Variants in HSPA4L observed in about 807,000 individuals in gnomAD.
HSPA4L encodes heat shock 70 kDa protein 4L.
HSPA4L carries 48 observed loss-of-function variants against 100.3 expected under a neutral mutation model. The ratio of observed to expected loss-of-function variants is 0.48; its 90% CI spans 0.38 to 0.61. The LOEUF is 0.61. Among genes scored for constraint, HSPA4L ranks in the 20% least tolerant of loss-of-function variants. HSPA4L has a pLI of 0.00. For synonymous variants in HSPA4L, 319 were observed against 328.2 expected (o/e 0.97, Z 0.30); for missense variants, 886 against 988.6 (o/e 0.90, Z 1.39).
intron 3 of HSPA4L, among the ~76,000 whole-genome samples, chr4:127,798,185 C>T (rs190506234): frequency 2.8e-4 from 42 of 152,234 alleles, no homozygotes; most frequent in African/African-American, 8.4e-4. Flanking sequence ...TTTTCCAAAA[C>T]TGTATGACTG....
chr4:127,808,997 T>C lies in HSPA4L; in HGVS notation c.1378+868T>C, dbSNP rs76231817. On this transcript the variant is annotated intron_variant, in intron 11 of 18. Transcript: ENST00000296464. The stretch of plus-strand genomic sequence containing the variant: ...TTTTTTACTGAAAAACTTTAATTGG[T>C]ATATTCTAATTTTAAACTTAATGTT... Among the ~76,000 whole-genome samples, 1,103 of 142,238 alleles carry C rather than the reference T, an allele frequency of 7.8e-3. 11 individuals are homozygous for C. Among genetic ancestry groups the C allele is most frequent in the African/African-American group, 0.027 (1,051 of 38,786 alleles). The allele number at this position is 142,238 out of a possible 152,430, so 93.3% of individuals were successfully genotyped here.
intron 1 of HSPA4L, among the ~76,000 whole-genome samples, chr4:127,793,768 C>T (rs532446861): frequency 1.3e-5 from 2 of 152,090 alleles, no homozygotes; most frequent in South Asian, 4.1e-4. Flanking sequence ...CCCTGAAAAT[C>T]CATTGGTCAA....
At chr4:127,790,506 A>T (rs1732845366) in intron 1 of HSPA4L, among the ~76,000 whole-genome samples, 1 of 152,358 alleles carries the variant, frequency 6.6e-6, no homozygotes, top group Non-Finnish European at 1.5e-5. Context: ...TAAGCCACTG[A>T]TTCCTGCTAT....
intron 13 of HSPA4L, among the ~76,000 whole-genome samples, chr4:127,819,214 T>C (rs553359734): frequency 9.2e-5 from 14 of 152,300 alleles, no homozygotes; most frequent in South Asian, 2.1e-4. Flanking sequence ...GATAAATGAT[T>C]TATTGAGAGT....
At chr4:127,812,257 A>G (rs1028617551) in intron 12 of HSPA4L, among the ~76,000 whole-genome samples, 8 of 151,990 alleles carry the variant, frequency 5.3e-5, no homozygotes, top group Non-Finnish European at 8.8e-5. Flanking sequence ...AAAATACAAA[A>G]AATTAGCCGG....
At chr4:127,782,304 T>C, upstream of HSPA4L, 1 of 492,298 alleles carries the variant, frequency 2.0e-6, no homozygotes, top group Non-Finnish European at 3.6e-6. Flanking sequence ...AACCGCCGGT[T>C]GGAGGCGGCC....
At position 127,803,821 on chromosome 4, in the gene HSPA4L, T is replaced by A; in HGVS notation, c.856T>A (p.Leu286Met). ...LMSANASDLP[L>M]NIECFMNDLD... Reference sequence around the variant, plus strand: ...GAGTGCAAATGCATCAGATCTTCCATTGAACATTGAGTGTTTCATGAATGA... The same window carrying A: ...GAGTGCAAATGCATCAGATCTTCCAATGAACATTGAGTGTTTCATGAATGA... The change falls in exon 7 of 19, where the codon TTG becomes ATG. Residue 286 changes from leucine (L) to methionine (M), a missense_variant. Transcript: ENST00000296464. 1.2e-6 allele frequency: 2 copies of A among 1,613,932 alleles called. No homozygotes were observed. The highest frequency in any genetic ancestry group is 1.7e-6 in the Non-Finnish European group (2 of 1,179,896).
chr4:127,827,817 C>T (rs1733985485), intron 17 of HSPA4L, among the ~76,000 whole-genome samples: 1 of 151,920 alleles, frequency 6.6e-6, no homozygotes, highest in Non-Finnish European at 1.5e-5. Context: ...TGTTTCTTGG[C>T]TTATTTTTCT....
chr4:127,825,017 G>A (rs999816172), intron 16 of HSPA4L, among the ~76,000 whole-genome samples: 1 of 151,960 alleles, frequency 6.6e-6, no homozygotes, highest in African/African-American at 2.4e-5. Context: ...GCGGGCACCT[G>A]TAGTCCCAGC....
chr4:127,811,529 A>G lies in HSPA4L; in HGVS notation c.1471A>G (p.Ser491Gly), dbSNP rs2148791263. Residue 491 changes from serine (S) to glycine (G), a missense_variant, in exon 12 of 19, where the codon AGT (serine) becomes GGT (glycine). By Grantham distance (56) the Ser-to-Gly change is moderately conservative (BLOSUM62 0). Transcript: ENST00000296464. ...TCGTGTTAACATCCATGGAATCTTCAGTGTGGCTAGCGCATCAGTAATTGA... is the reference window on the plus strand; with the variant it reads ...TCGTGTTAACATCCATGGAATCTTCGGTGTGGCTAGCGCATCAGTAATTGA... ...KVRVNIHGIF[S>G]VASASVIEKQ... The G allele has an allele frequency of 6.2e-7, 1 of 1,614,014 alleles. No individual in the cohort carries two copies. The highest frequency in any genetic ancestry group is 8.5e-7 in the Non-Finnish European group (1 of 1,179,926).
chr4:127,818,337 G>A lies in HSPA4L; in HGVS notation c.1591G>A (p.Val531Ile), dbSNP rs751498883. 1 of 1,609,006 alleles carries A rather than the reference G, an allele frequency of 6.2e-7. No homozygotes were observed. Among genetic ancestry groups the A allele is most frequent in the East Asian group, 2.2e-5 (1 of 44,750 alleles). Reference protein sequence around the residue: ...ENKDNMDKMQVDQEEGHQKCH... With the variant: ...ENKDNMDKMQIDQEEGHQKCH... ...ATTTTCTTTCTAGGATAAAATGCAG[G>A]TTGATCAAGAAGAAGGGCATCAAAA... is the stretch of plus-strand genomic sequence containing the variant. Residue 531 changes from valine to isoleucine, a missense_variant, in exon 13 of 19, where the codon GTT becomes ATT. Val to Ile is a conservative substitution (Grantham distance 29). Coordinates refer to ENST00000296464, the MANE Select transcript of HSPA4L (RefSeq NM_014278.4).
intron 1 of HSPA4L, among the ~76,000 whole-genome samples, chr4:127,790,360 A>G (rs1451914133): frequency 2.6e-5 from 4 of 152,358 alleles, no homozygotes; most frequent in African/African-American, 9.6e-5. Context: ...TGGCAAACGC[A>G]TATTTTCTCT....
chr4:127,801,769 C>A lies in HSPA4L; in HGVS notation c.530-16C>A. ...TTACTGTGCTAGAATTAACATAATT[C>A]TTTGTTCTTATACAGTTGCACTGGC... On this transcript the variant is annotated splice_polypyrimidine_tract_variant and intron_variant, in intron 5 of 18. Coordinates refer to ENST00000296464, the MANE Select transcript of HSPA4L (RefSeq NM_014278.4). 1 of 1,577,508 alleles carries A rather than the reference C, an allele frequency of 6.3e-7. No individual in the cohort carries two copies. Among genetic ancestry groups the A allele is most frequent in the Non-Finnish European group, 8.6e-7 (1 of 1,164,652 alleles).
chr4:127,800,525 A>T (rs1343335929), intron 4 of HSPA4L, among the ~76,000 whole-genome samples: 1 of 152,038 alleles, frequency 6.6e-6, no homozygotes, highest in East Asian at 1.9e-4. Context: ...ATGTATGTAT[A>T]TTTTTTCAAT....
At chr4:127,782,237 C>T (rs1732573634), upstream of HSPA4L, 4 of 399,420 alleles carry the variant, frequency 1.0e-5, 1 homozygote, top group Admixed American at 3.7e-5. Context: ...GGCTCGGGCG[C>T]GGAGCGGAGG....
At chr4:127,797,386 G>A (rs887227888) in intron 3 of HSPA4L, among the ~76,000 whole-genome samples, 7 of 152,022 alleles carry the variant, frequency 4.6e-5, no homozygotes, top group Admixed American at 4.6e-4. Context: ...AGAATAGGCT[G>A]AGAAAAACAG....
Position 127,805,128 on chromosome 4 carries a change from T to C in HSPA4L, c.1041T>C (p.Ile347=). 1.9e-6 allele frequency: 3 copies of C among 1,612,244 alleles called. No individual in the cohort carries two copies. Among genetic ancestry groups the C allele is most frequent in the Non-Finnish European group, 2.5e-6 (3 of 1,178,784 alleles). The change falls in exon 9 of 19, where the codon ATT becomes ATC. Residue 347 remains isoleucine (I), a synonymous_variant. Coordinates refer to ENST00000296464, the MANE Select transcript of HSPA4L (RefSeq NM_014278.4). The part of the protein sequence containing the change: ...SIEIVGGATR[I]PAVKEQITKF... ...AAATTGTAGGAGGAGCAACACGAAT[T>C]CCTGCAGTGAAAGAACAAATCACTA... is the stretch of plus-strand genomic sequence containing the variant.
At chr4:127,827,552 C>A in intron 17 of HSPA4L, 128 bp downstream of exon 17, 2 of 1,082,090 alleles carry the variant, frequency 1.8e-6, no homozygotes, top group Non-Finnish European at 2.6e-6. Flanking sequence ...ACTTTGTGTA[C>A]CAAACTTAAA....
intron 4 of HSPA4L, among the ~76,000 whole-genome samples, chr4:127,799,736 T>TTG (rs1223882529): frequency 6.6e-6 from 1 of 152,164 alleles, no homozygotes; most frequent in Non-Finnish European, 1.5e-5. Flanking sequence ...ATTATTAACT[T>TTG]TGTGGTTGGT....
Sources: allele counts gnomAD v4.1 joint callset (sites outside exome capture counted in the v4.1 genomes callset), GRCh38; gene constraint gnomAD v4.1.1; transcripts MANE v1.5; gene names NCBI Gene and HGNC (gene_info 2026-07-23, HGNC 2026-07-21).